Variants in FOXP2 observed in about 807,000 individuals in gnomAD.
FOXP2 encodes the protein forkhead box P2.
In FOXP2, 12 loss-of-function variants were observed where a neutral mutation model predicts 115.8. That is an observed-to-expected ratio of 0.10 (90% CI 0.07 to 0.17). The LOEUF is 0.17. FOXP2 is among the 10% of genes least tolerant of loss of function. The pLI, the probability that FOXP2 is intolerant of heterozygous loss-of-function variation, is 1.00. For missense variants in FOXP2, 629 were observed against 843.5 expected, an observed-to-expected ratio of 0.75 and a Z score of 3.15; for synonymous variants, 328 against 297.7, an observed-to-expected ratio of 1.10 and a Z score of -1.05.
chr7:114,199,222 G>A (rs1793993841), intron 1 of FOXP2, among the ~76,000 whole-genome samples: 1 of 152,030 alleles, frequency 6.6e-6, no homozygotes, highest in Non-Finnish European at 1.5e-5. Flanking sequence ...TTCACATGTA[G>A]TGACAACTAG....
At chr7:114,572,688 AG>A (rs749671081) in intron 3 of FOXP2, among the ~76,000 whole-genome samples, 32 of 151,850 alleles carry the variant, frequency 2.1e-4, no homozygotes, top group Non-Finnish European at 4.4e-4. Context: ...CTGAAGAGTG[AG>A]GTGGCTTAAC....
chr7:114,308,982 G>A (rs1454258803), intron 2 of FOXP2, among the ~76,000 whole-genome samples: 2 of 152,102 alleles, frequency 1.3e-5, no homozygotes, highest in Admixed American at 6.5e-5. Flanking sequence ...AATTCTCCAT[G>A]ATTTTCTCAA....
At chr7:114,589,610 C>T (rs1200209985) in intron 3 of FOXP2, among the ~76,000 whole-genome samples, 1 of 152,184 alleles carries the variant, frequency 6.6e-6, no homozygotes, top group Non-Finnish European at 1.5e-5. Context: ...TAATGCACTT[C>T]TCAGACTTTA....
chr7:114,437,164 G>T (rs1420643616), intron 2 of FOXP2, among the ~76,000 whole-genome samples: 1 of 152,024 alleles, frequency 6.6e-6, no homozygotes, highest in East Asian at 1.9e-4. Context: ...ATTTTATTGT[G>T]GTTGATTTTT....
intron 1 of FOXP2, among the ~76,000 whole-genome samples, chr7:114,210,711 T>C (rs998923699): frequency 6.6e-6 from 1 of 152,150 alleles, no homozygotes; most frequent in Non-Finnish European, 1.5e-5. Flanking sequence ...CTTCCTCATC[T>C]GGTCTGTTTG....
At chr7:114,534,478 G>T (rs1210215720) in intron 2 of FOXP2, 139 bp from the exon 3 acceptor site, 2 of 753,592 alleles carry the variant, frequency 2.7e-6, no homozygotes, top group East Asian at 2.6e-5. Context: ...TTTCATATTA[G>T]AAGATAAACA....
intron 1 of FOXP2, among the ~76,000 whole-genome samples, chr7:114,114,119 A>T (rs964230301): frequency 5.3e-5 from 8 of 151,952 alleles, no homozygotes; most frequent in Non-Finnish European, 1.0e-4. Flanking sequence ...ATGAGGAAAG[A>T]TGTCTACCAG....
chr7:114,274,732 C>G (rs996005263), intron 1 of FOXP2, among the ~76,000 whole-genome samples: 2 of 144,216 alleles, frequency 1.4e-5, no homozygotes, highest in Admixed American at 1.5e-4. Context: ...CCTTCCATTT[C>G]AACCACCCAG....
At chr7:114,415,955 A>G (rs1793321981) in intron 1 of FOXP2, among the ~76,000 whole-genome samples, 1 of 152,004 alleles carries the variant, frequency 6.6e-6, no homozygotes, top group African/African-American at 2.4e-5. Flanking sequence ...CAAATCACTG[A>G]TTGTGAAGAA....
chr7:114,475,650 A>T (rs1284054104), intron 2 of FOXP2, among the ~76,000 whole-genome samples: 1 of 152,064 alleles, frequency 6.6e-6, no homozygotes. Flanking sequence ...TTTTTAAAAT[A>T]TTCAAAAGTC....
At chr7:114,660,662 T>C (rs12154391) in intron 13 of FOXP2, among the ~76,000 whole-genome samples, 50,441 of 152,044 alleles carry the variant, frequency 0.33, 9,826 homozygotes, top group Non-Finnish European at 0.45. Flanking sequence ...TTATGCACAG[T>C]TACTTGGTAT....
At chr7:114,272,061 A>G (rs967973237) in intron 1 of FOXP2, among the ~76,000 whole-genome samples, 1 of 142,592 alleles carries the variant, frequency 7.0e-6, no homozygotes, top group Non-Finnish European at 1.5e-5. Flanking sequence ...AAATATATAA[A>G]ATATATAAAT....
chr7:114,119,676 A>G (rs143195109), intron 1 of FOXP2, among the ~76,000 whole-genome samples: 191 of 152,302 alleles, frequency 1.3e-3, no homozygotes, highest in African/African-American at 4.2e-3. Flanking sequence ...GCACCACTGC[A>G]CTTTGGCCTG....
intron 1 of FOXP2, among the ~76,000 whole-genome samples, chr7:114,257,849 T>C (rs563812669): frequency 6.6e-6 from 1 of 152,256 alleles, no homozygotes; most frequent in Admixed American, 6.5e-5. Flanking sequence ...CTTGAGCAAA[T>C]GCAGATTCCC....
intron 2 of FOXP2, among the ~76,000 whole-genome samples, chr7:114,516,523 C>T (rs1036951155): frequency 6.6e-6 from 1 of 151,986 alleles, no homozygotes; most frequent in Non-Finnish European, 1.5e-5. Flanking sequence ...TGAATATACA[C>T]CTAATAGTGG....
intron 1 of FOXP2, among the ~76,000 whole-genome samples, chr7:114,154,311 G>A (rs1394343030): frequency 6.6e-6 from 1 of 151,662 alleles, no homozygotes. Context: ...AAACTCAATT[G>A]TCAGGGCAAT....
At position 114,608,143 on chromosome 7, in the gene FOXP2, A is replaced by G. The variant is rs114075909; in HGVS notation, c.259-20397A>G. 5.8e-3 allele frequency among the ~76,000 whole-genome samples: 884 copies of G among 152,312 alleles called. 7 individuals carry two copies. Among genetic ancestry groups the G allele is most frequent in the African/African-American group, 0.02 (820 of 41,572 alleles). On this transcript the variant is annotated intron_variant, in intron 3 of 16. Transcript: ENST00000350908. ...CCTGGTGTATTTGTTTTCCAGTGCT[A>G]TATTGCCAGGTCCCACAAATTTAGC...
chr7:114,529,260 G>T (rs1248677520), intron 2 of FOXP2, among the ~76,000 whole-genome samples: 1 of 151,782 alleles, frequency 6.6e-6, no homozygotes, highest in Non-Finnish European at 1.5e-5. Context: ...TTATTTCATA[G>T]AATTTCTGAG....
intron 16 of FOXP2, among the ~76,000 whole-genome samples, chr7:114,686,503 G>A (rs997961159): frequency 1.3e-5 from 2 of 152,052 alleles, no homozygotes; most frequent in African/African-American, 2.4e-5. Context: ...TTTAATGTTC[G>A]GCTTTTTAGA....
Sources: allele counts gnomAD v4.1 joint callset (sites outside exome capture counted in the v4.1 genomes callset), GRCh38; gene constraint gnomAD v4.1.1; transcripts MANE v1.5; gene names NCBI Gene and HGNC (gene_info 2026-07-23, HGNC 2026-07-21).